CADM2: variants seen among roughly 807,000 people sequenced by gnomAD.
The protein encoded by CADM2 is immunoglobulin superfamily member 4D.
In CADM2, 12 loss-of-function variants were observed where a neutral mutation model predicts 49.8. The observed-to-expected ratio is 0.24, with a 90% confidence interval of 0.15 to 0.39. The LOEUF (loss-of-function observed/expected upper bound fraction) is 0.39, where lower values mean the gene tolerates loss of function less well. CADM2 is among the 10% of genes least tolerant of loss of function. CADM2 has a pLI of 1.00. For synonymous variants in CADM2, 214 were observed against 175.4 expected (o/e 1.22, Z -1.74); for missense variants, 378 against 492.3 (o/e 0.77, Z 2.20).
At chr3:85,367,967 G>T (rs1179558387) in intron 1 of CADM2, among the ~76,000 whole-genome samples, 1 of 152,084 alleles carries the variant, frequency 6.6e-6, no homozygotes, top group South Asian at 2.1e-4. Context: ...AATTGGAATA[G>T]TATATTCTCA....
chr3:85,701,894 TA>T (rs1427728359), intron 1 of CADM2, among the ~76,000 whole-genome samples: 1 of 149,430 alleles, frequency 6.7e-6, no homozygotes, highest in Non-Finnish European at 1.5e-5. Flanking sequence ...GATAGATAGA[TA>T]GATAGATAGA....
intron 1 of CADM2, among the ~76,000 whole-genome samples, chr3:85,060,112 A>G (rs1001568906): frequency 1.3e-5 from 2 of 152,006 alleles, no homozygotes; most frequent in African/African-American, 2.4e-5. Context: ...TGTACTCTCC[A>G]GGATTTTATT....
intron 3 of CADM2, among the ~76,000 whole-genome samples, chr3:85,807,673 AT>A (rs1453702954): frequency 1.3e-5 from 2 of 152,148 alleles, no homozygotes; most frequent in Non-Finnish European, 2.9e-5. Flanking sequence ...AAATTTAAAA[AT>A]TTGGTTTCTG....
At chr3:85,202,583 T>G (rs2041532703) in intron 1 of CADM2, among the ~76,000 whole-genome samples, 1 of 152,162 alleles carries the variant, frequency 6.6e-6, no homozygotes, top group African/African-American at 2.4e-5. Context: ...GTTTCATTTA[T>G]AGATCATAGG....
intron 1 of CADM2, among the ~76,000 whole-genome samples, chr3:85,678,540 C>T (rs555554380): frequency 6.6e-6 from 1 of 152,132 alleles, no homozygotes; most frequent in South Asian, 2.1e-4. Flanking sequence ...CTTAAAAATA[C>T]TTTTTTCAAA....
intron 1 of CADM2, among the ~76,000 whole-genome samples, chr3:85,475,176 T>C (rs2038927188): frequency 6.6e-6 from 1 of 152,004 alleles, no homozygotes; most frequent in Non-Finnish European, 1.5e-5. Context: ...TTATTTTTAC[T>C]TGACTTTAAT....
At chr3:85,329,116 G>A (rs1033151189) in intron 1 of CADM2, among the ~76,000 whole-genome samples, 12 of 152,042 alleles carry the variant, frequency 7.9e-5, no homozygotes, top group African/African-American at 2.9e-4. Context: ...GAAACACAGG[G>A]AGAAGATGAC....
chr3:85,534,621 A>T (rs1362778028), intron 1 of CADM2, among the ~76,000 whole-genome samples: 1 of 152,174 alleles, frequency 6.6e-6, no homozygotes, highest in Non-Finnish European at 1.5e-5. Context: ...CCTCCCACAA[A>T]ATCTAAAATA....
chr3:85,097,851 G>A (rs745779514), intron 1 of CADM2, among the ~76,000 whole-genome samples: 1 of 152,116 alleles, frequency 6.6e-6, no homozygotes, highest in South Asian at 2.1e-4. Flanking sequence ...ATTCACATAA[G>A]CCCCTACATA....
At position 86,025,785 on chromosome 3, in the gene CADM2, T is replaced by C. The variant is rs142369926; in HGVS notation, c.971-39820T>C. On this transcript the variant is annotated intron_variant, in intron 8 of 9. Coordinates refer to ENST00000383699, the MANE Select transcript of CADM2 (RefSeq NM_001167675.2). The stretch of plus-strand genomic sequence containing the variant: ...ATTTGTTTATTCCTCTGAAATTTAT[T>C]TTATCTTAACTTTGTAATAATCTGG... Among the ~76,000 whole-genome samples the C allele has an allele frequency of 1.5e-3, 228 of 152,268 alleles. 1 individual carries two copies. The highest frequency in any genetic ancestry group is 5.3e-3 in the African/African-American group (219 of 41,560).
At chr3:85,904,314 A>G (rs991770356) in intron 5 of CADM2, among the ~76,000 whole-genome samples, 2 of 152,158 alleles carry the variant, frequency 1.3e-5, no homozygotes, top group Non-Finnish European at 2.9e-5. Flanking sequence ...GAGAGTCCCA[A>G]CCTTTCAGCC....
At chr3:85,891,943 G>A (rs759417650) in intron 5 of CADM2, among the ~76,000 whole-genome samples, 15 of 152,220 alleles carry the variant, frequency 9.9e-5, no homozygotes, top group Non-Finnish European at 1.2e-4. Flanking sequence ...TAATAAATAT[G>A]TGTTGTTTTA....
chr3:85,909,454 A>G (rs1717269306), intron 5 of CADM2, among the ~76,000 whole-genome samples: 1 of 151,598 alleles, frequency 6.6e-6, no homozygotes, highest in Admixed American at 6.6e-5. Flanking sequence ...AGAAACAATT[A>G]AAAAATAACA....
intron 8 of CADM2, among the ~76,000 whole-genome samples, chr3:86,049,455 T>C (rs1382932009): frequency 1.3e-5 from 2 of 151,826 alleles, no homozygotes; most frequent in Admixed American, 6.6e-5. Flanking sequence ...TTTGTATTTT[T>C]AGTAGAGATG....
intron 3 of CADM2, among the ~76,000 whole-genome samples, chr3:85,818,310 C>A (rs1020717421): frequency 6.6e-6 from 1 of 152,056 alleles, no homozygotes. Flanking sequence ...TGAGTGTGGG[C>A]TCTTTTGGTG....
rs1559602386 is a variant in CADM2, at chr3:84,984,374, A to AAAAAAAAC, written c.61+24713_61+24714insCAAAAAAA. ...ATTAAGCTAAAAAAAAAAAAAAAAA[A>AAAAAAAAC]AAAAAAAAAAACACTTGAGGCTGTC... On this transcript the variant is annotated intron_variant, in intron 1 of 9. Transcript: ENST00000383699. 4.8e-5 allele frequency among the ~76,000 whole-genome samples: 7 copies of AAAAAAAAC among 147,206 alleles called. 1 individual carries two copies. The highest frequency in any genetic ancestry group is 1.8e-4 in the African/African-American group (7 of 38,472).
intron 1 of CADM2, among the ~76,000 whole-genome samples, chr3:85,632,367 A>G (rs2064339890): frequency 6.6e-6 from 1 of 152,086 alleles, no homozygotes; most frequent in African/African-American, 2.4e-5. Context: ...AGTCTTGGGT[A>G]TGTCATTATC....
chr3:85,846,533 G>A (rs1483999613), intron 3 of CADM2, among the ~76,000 whole-genome samples: 3 of 152,014 alleles, frequency 2.0e-5, no homozygotes, highest in South Asian at 4.2e-4. Flanking sequence ...GAGTTTTAAG[G>A]GTATGCAAAT....
chr3:85,599,029 T>A (rs1467989125), intron 1 of CADM2, among the ~76,000 whole-genome samples: 2 of 151,960 alleles, frequency 1.3e-5, no homozygotes, highest in Non-Finnish European at 2.9e-5. Context: ...TATTGAATTT[T>A]CTAATTCAAG....
Sources: gnomAD v4.1 joint callset for allele counts (sites outside exome capture counted in the v4.1 genomes callset) on GRCh38, gnomAD v4.1.1 for gene constraint, MANE v1.5 for transcripts, NCBI Gene and HGNC (gene_info 2026-07-23, HGNC 2026-07-21) for gene names.